SRGAP3: variants seen among roughly 807,000 people sequenced by gnomAD.
SRGAP3 encodes SLIT-ROBO Rho GTPase activating protein 3, also known as SLIT-ROBO Rho GTPase-activating protein 3.
Under a neutral mutation model 121.1 loss-of-function variants are expected in SRGAP3, and 39 were observed. That is an observed-to-expected ratio of 0.32 (90% CI 0.25 to 0.42). The LOEUF (loss-of-function observed/expected upper bound fraction) is 0.42, where lower values mean the gene tolerates loss of function less well. Ranked by LOEUF, SRGAP3 falls within the 10% of genes least tolerant of loss-of-function variation. The pLI is 1.00. For missense variants in SRGAP3, 1,213 were observed against 1,470.6 expected (o/e 0.82, Z 2.86); for synonymous variants, 601 against 570.0 (o/e 1.05, Z -0.77).
intron 3 of SRGAP3, among the ~76,000 whole-genome samples, chr3:9,308,615 A>T (rs1458100134): frequency 6.6e-6 from 1 of 152,232 alleles, no homozygotes; most frequent in Non-Finnish European, 1.5e-5. Context: ...TACAGGCAGC[A>T]GTCTAGTTGG....
chr3:9,350,814 C>G (rs1428365656), intron 1 of SRGAP3, among the ~76,000 whole-genome samples: 1 of 152,174 alleles, frequency 6.6e-6, no homozygotes, highest in Non-Finnish European at 1.5e-5. Flanking sequence ...GAATTTCTCA[C>G]CAGCACCAAC....
At chr3:9,223,856 T>TG (rs1273243525) in intron 1 of SRGAP3, among the ~76,000 whole-genome samples, 1 of 152,202 alleles carries the variant, frequency 6.6e-6, no homozygotes, top group African/African-American at 2.4e-5. Flanking sequence ...TGGGAAGGGT[T>TG]GCTGTGAGAT....
At chr3:9,286,113 A>AACACACACACACACACACAC (rs34023408) in intron 3 of SRGAP3, among the ~76,000 whole-genome samples, 1 of 134,988 alleles carries the variant, frequency 7.4e-6, no homozygotes, top group Non-Finnish European at 1.6e-5. Flanking sequence ...CCCTATCTCA[A>AACACACACACACACACACAC]ACACACACAC....
At chr3:9,122,753 C>T (rs1949062994) in intron 2 of SRGAP3, among the ~76,000 whole-genome samples, 1 of 150,728 alleles carries the variant, frequency 6.6e-6, no homozygotes. Context: ...GAAAAAGAAG[C>T]ACGGTATTTG....
chr3:9,279,079 C>T (rs7640847), intron 3 of SRGAP3, among the ~76,000 whole-genome samples: 49,941 of 151,634 alleles, frequency 0.33, 8,593 homozygotes, highest in Admixed American at 0.41. Context: ...GCCAAGACTG[C>T]GCCATTGCAC....
In SRGAP3 at chr3:9,309,040, T is replaced by C. The variant is rs191981285; in HGVS notation, n.442+16970A>G. Among the ~76,000 whole-genome samples the C allele has an allele frequency of 1.3e-3, 201 of 152,322 alleles. 2 individuals carry two copies. In the South Asian group the frequency reaches 0.025, roughly 19 times the overall value. ...CTTTGGCCAATGGAACATTACCAAG[T>C]ATGGTTCAAACAGAGGCTAGATAAG... On this transcript the variant is annotated intron_variant and non_coding_transcript_variant, in intron 3 of 3. Coordinates refer to the SRGAP3 transcript ENST00000490889.
chr3:9,251,656 T>A (rs1395760437), upstream of SRGAP3, among the ~76,000 whole-genome samples: 1 of 152,162 alleles, frequency 6.6e-6, no homozygotes, highest in East Asian at 1.9e-4. Flanking sequence ...ATTATTAAAA[T>A]TTTAAATCCA....
chr3:9,007,621 T>C (rs546294796), intron 18 of SRGAP3: 2 of 152,170 alleles, frequency 1.3e-5, no homozygotes, highest in Admixed American at 1.3e-4. Flanking sequence ...TGATACAGAG[T>C]CCATTGATGT....
chr3:9,225,445 T>C (rs1952953275), intron 1 of SRGAP3, among the ~76,000 whole-genome samples: 1 of 152,180 alleles, frequency 6.6e-6, no homozygotes, highest in South Asian at 2.1e-4. Flanking sequence ...GTTGAAGACT[T>C]GGGTCATTAT....
At chr3:9,043,212 G>A (rs1369128797) in intron 10 of SRGAP3, among the ~76,000 whole-genome samples, 1 of 152,166 alleles carries the variant, frequency 6.6e-6, no homozygotes, top group Non-Finnish European at 1.5e-5. Flanking sequence ...GGAAAGCAGT[G>A]GCGTGATCTT....
At chr3:9,347,396 C>T (rs1273563625) in intron 1 of SRGAP3, among the ~76,000 whole-genome samples, 1 of 152,038 alleles carries the variant, frequency 6.6e-6, no homozygotes, top group Non-Finnish European at 1.5e-5. Flanking sequence ...GACAGGGCAA[C>T]TTTCAGTTTT....
At chr3:9,037,938 G>A (rs1232848038) in intron 11 of SRGAP3, 125 bp downstream of exon 11, 3 of 1,301,110 alleles carry the variant, frequency 2.3e-6, no homozygotes, top group Admixed American at 1.7e-5. Context: ...CACCCACACC[G>A]GCCCTTGGGG....
In SRGAP3 at chr3:9,016,097, TCTC is replaced by T. The variant is rs1943624699; in HGVS notation, c.1679-369_1679-367del. ...CCACCGCTAACTACTTCAACACACT[TCTC>T]CTAAGAATAAGGATATTCTTGTATG... On this transcript the variant is annotated intron_variant, in intron 14 of 21. Transcript: ENST00000383836. The T allele has an allele frequency of 4.1e-5, 12 of 292,394 alleles. 1 individual carries two copies. In the South Asian group the frequency reaches 4.8e-4, roughly 12 times the overall value. The allele number at this position is 292,394 out of a possible 1,614,324, so 18.1% of individuals were successfully genotyped here. A position where few individuals can be genotyped will look rare whatever the true frequency, so the allele number is the denominator to read the frequency against.
At chr3:9,182,516 G>A (rs917864379) in intron 1 of SRGAP3, among the ~76,000 whole-genome samples, 2 of 152,142 alleles carry the variant, frequency 1.3e-5, no homozygotes, top group African/African-American at 4.8e-5. Flanking sequence ...CTGATAGAGT[G>A]ATTTCAGACA....
intron 12 of SRGAP3, chr3:9,028,071 T>C (rs773400849): frequency 3.7e-6 from 6 of 1,613,836 alleles, no homozygotes. Context: ...TCACGGTGAA[T>C]GGGGCTAATG....
chr3:9,154,903 T>C (rs1010461962), intron 1 of SRGAP3, among the ~76,000 whole-genome samples: 1 of 152,174 alleles, frequency 6.6e-6, no homozygotes, highest in African/African-American at 2.4e-5. Flanking sequence ...TTTGCTTTTT[T>C]GCTTTGTTCT....
At chr3:9,060,188 T>TG in intron 6 of SRGAP3, 43 bp downstream of exon 6, 1 of 1,613,318 alleles carries the variant, frequency 6.2e-7, no homozygotes, top group African/African-American at 1.3e-5. Flanking sequence ...GTGCCAGCCC[T>TG]GGTGTGGGCC....
intron 2 of SRGAP3, among the ~76,000 whole-genome samples, chr3:9,123,787 C>CAGAGAGAGAGAGAGAG (rs150619593): frequency 7.5e-6 from 1 of 133,680 alleles, no homozygotes; most frequent in African/African-American, 2.9e-5. Flanking sequence ...TGTGTATACA[C>CAGAGAGAGAGAGAGAG]AGAGAGAGAG....
At chr3:9,334,307 C>T (rs1955655111) in intron 1 of SRGAP3, among the ~76,000 whole-genome samples, 2 of 151,976 alleles carry the variant, frequency 1.3e-5, no homozygotes, top group Admixed American at 1.3e-4. Flanking sequence ...AGGTCCTGTG[C>T]TAGAGAGATT....
Sources: allele counts gnomAD v4.1 joint callset (sites outside exome capture counted in the v4.1 genomes callset), GRCh38; gene constraint gnomAD v4.1.1; transcripts MANE v1.5; gene names NCBI Gene and HGNC (gene_info 2026-07-23, HGNC 2026-07-21).